The following SETDB1 variants were observed in gnomAD, a reference collection of about 807,000 sequenced individuals.
SETDB1 encodes the protein histone-lysine N-methyltransferase SETDB1.
Under a neutral mutation model 137.4 loss-of-function variants are expected in SETDB1, and 31 were observed. That is an observed-to-expected ratio of 0.23 (90% confidence interval 0.17 to 0.30). The LOEUF is 0.30. SETDB1 is among the 10% of genes least tolerant of loss of function. SETDB1 has a pLI of 1.00. For synonymous variants in SETDB1, 548 were observed against 579.9 expected (o/e 0.95, Z 0.79); for missense variants, 1,113 against 1,631.5 (o/e 0.68, Z 5.47).
In SETDB1 at chr1:150,941,320, T is replaced by G. The variant is rs587759271; in HGVS notation, c.448-9T>G. 1 of 1,589,806 alleles carries G rather than the reference T, an allele frequency of 6.3e-7. No individual in the cohort carries two copies. The highest frequency in any genetic ancestry group is 1.1e-5 in the South Asian group (1 of 90,170). On this transcript the variant is annotated splice_polypyrimidine_tract_variant and intron_variant, in intron 4 of 21. Coordinates refer to ENST00000692827, the MANE Select transcript of SETDB1 (RefSeq NM_001366418.1). ...TCAAAACTTGTTTTCCTCATCCCCT[T>G]TTCTACAGCTCCGTGAAGCTATGGC... is the stretch of plus-strand genomic sequence containing the variant.
At chr1:150,946,460 T>TG (rs1670332005) in intron 9 of SETDB1, among the ~76,000 whole-genome samples, 5 of 151,754 alleles carry the variant, frequency 3.3e-5, no homozygotes, top group Admixed American at 6.6e-5. Context: ...GAATTTTTTT[T>TG]TGGGGGGGAT....
chr1:150,930,252 A>G (rs1669681664), intron 3 of SETDB1, 134 bp downstream of exon 3: 2 of 742,312 alleles, frequency 2.7e-6, no homozygotes, highest in Admixed American at 3.0e-5. Context: ...TGAGTTGGCT[A>G]TTAAAGAAAA....
chr1:150,957,813 C>G (rs1670690686), intron 14 of SETDB1, among the ~76,000 whole-genome samples: 1 of 152,176 alleles, frequency 6.6e-6, no homozygotes, highest in Non-Finnish European at 1.5e-5. Context: ...AAGTGATCTT[C>G]TCACCTCAGC....
intron 14 of SETDB1, among the ~76,000 whole-genome samples, chr1:150,957,483 C>T (rs770685888): frequency 1.3e-5 from 2 of 152,128 alleles, no homozygotes; most frequent in South Asian, 2.1e-4. Flanking sequence ...TGACTAAAAT[C>T]GTGAACTAAC....
In SETDB1 at chr1:150,949,109, C is replaced by CT. The variant is rs2102713096; in HGVS notation, c.1268-8dup. 6.2e-7 allele frequency: 1 copy of CT among 1,607,926 alleles called. No individual in the cohort carries two copies. Among genetic ancestry groups the CT allele is most frequent in the East Asian group, 2.2e-5 (1 of 44,742 alleles). Reference sequence around the variant, plus strand: ...TATCATCTTCTCAGTGCTCAATTTCCTTTTTCCTATAGGTGCTGTGAGGAG... The same window carrying CT: ...TATCATCTTCTCAGTGCTCAATTTCCTTTTTTCCTATAGGTGCTGTGAGGAG... On this transcript the variant is annotated splice_polypyrimidine_tract_variant and intron_variant, in intron 10 of 21. Transcript: ENST00000692827.
chr1:150,962,790 A>C, intron 18 of SETDB1, 71 bp downstream of exon 18: 7 of 1,533,220 alleles, frequency 4.6e-6, no homozygotes, highest in Non-Finnish European at 6.3e-6. Flanking sequence ...CAAGTCCTTC[A>C]CTATAATTAC....
chr1:150,942,691 A>G lies in SETDB1; in HGVS notation c.673+3A>G. On this transcript the variant is annotated splice_donor_region_variant and intron_variant, in intron 6 of 21. Coordinates refer to ENST00000692827, the MANE Select transcript of SETDB1 (RefSeq NM_001366418.1). ...CCTTATTGCCATCCAGACAGTTGGT[A>G]TGTGCAAACTTGGAGGAACCACTCC... 6.2e-7 allele frequency: 1 copy of G among 1,611,336 alleles called. No homozygotes were observed. Among genetic ancestry groups the G allele is most frequent in the South Asian group, 1.1e-5 (1 of 90,594 alleles).
chr1:150,963,515 C>T lies in SETDB1; in HGVS notation c.3461-15C>T, dbSNP rs887494418. On this transcript the variant is annotated splice_polypyrimidine_tract_variant and intron_variant, in intron 19 of 21. Transcript: ENST00000692827. ...AGTTGGGATGGGTCCTGACCCCATTCTCCCTCCTGTCCAGGTCCAATGAAG... is the reference window on the plus strand; with the variant it reads ...AGTTGGGATGGGTCCTGACCCCATTTTCCCTCCTGTCCAGGTCCAATGAAG... 1.9e-6 allele frequency: 3 copies of T among 1,597,944 alleles called. No homozygotes were observed. The African/African-American group carries it at 4.0e-5, about 21-fold the overall frequency.
At chr1:150,936,507 A>T (rs1669948941) in intron 3 of SETDB1, among the ~76,000 whole-genome samples, 2 of 152,184 alleles carry the variant, frequency 1.3e-5, no homozygotes. Context: ...CATTGTATGA[A>T]TATGCCACAG....
chr1:150,926,486 GA>G lies in SETDB1; in HGVS notation c.-38del. 1 of 325,876 alleles carries G rather than the reference GA, an allele frequency of 3.1e-6. No individual in the cohort carries two copies. The highest frequency in any genetic ancestry group is 5.9e-6 in the Non-Finnish European group (1 of 170,006). 20.2% of individuals were successfully genotyped at this position (325,876 alleles called of 1,614,324 possible). ...GTTGTGAGTCTGGGGTCTGGTTGGT[GA>G]AAAAGAGCCCTTGAAGCTGGAAGAC... On this transcript the variant is annotated 5_prime_UTR_variant, in exon 1 of 22. Coordinates refer to ENST00000692827, the MANE Select transcript of SETDB1 (RefSeq NM_001366418.1).
chr1:150,961,750 T>C (rs1266362813), intron 16 of SETDB1: 2 of 215,558 alleles, frequency 9.3e-6, no homozygotes, highest in African/African-American at 4.6e-5. Flanking sequence ...AAGTGATTTT[T>C]TAATGTTAAA....
rs1405401399 is a variant in SETDB1, at chr1:150,933,767, CTTTTTCTTTTTCTTTTTTT to C, written c.412+3655_412+3673del. Reference sequence around the variant, plus strand: ...GATTTTTCTTTTTCTTTTTCTTTTTCTTTTTCTTTTTCTTTTTTTTTTTTTTTTTTTTGAGATGGAGTTT... The same window carrying C: ...GATTTTTCTTTTTCTTTTTCTTTTTCTTTTTTTTTTTTTGAGATGGAGTTT... On this transcript the variant is annotated intron_variant, in intron 3 of 21. Transcript: ENST00000692827. Among the ~76,000 whole-genome samples the C allele has an allele frequency of 6.0e-5, 7 of 116,820 alleles. 1 individual carries two copies. Among genetic ancestry groups the C allele is most frequent in the Admixed American group, 1.8e-4 (2 of 11,410 alleles). The allele number at this position is 116,820 out of a possible 152,430, so 76.6% of individuals were successfully genotyped here.
intron 2 of SETDB1, 56 bp from the exon 3 acceptor site, chr1:150,929,911 A>G (rs1474640621): frequency 9.0e-6 from 13 of 1,451,872 alleles, no homozygotes; most frequent in Admixed American, 3.8e-5. Flanking sequence ...AATGGATTCT[A>G]TATCTCTTAA....
chr1:150,928,045 A>T, intron 2 of SETDB1, 71 bp downstream of exon 2: 1 of 1,498,838 alleles, frequency 6.7e-7, no homozygotes, highest in South Asian at 1.2e-5. Flanking sequence ...ATTGTTCATG[A>T]CATTGAACCA....
Position 150,930,028 on chromosome 1 carries a change from C to T in SETDB1, c.322C>T (p.Arg108Trp), listed in dbSNP as rs751646362. The T allele has an allele frequency of 3.7e-6, 6 of 1,613,642 alleles. No homozygotes were observed. The highest frequency in any genetic ancestry group is 1.3e-5 in the African/African-American group (1 of 74,884). The change falls in exon 3 of 22, where the codon CGG (arginine) becomes TGG (tryptophan). Residue 108 changes from arginine to tryptophan, a missense_variant. Arg to Trp is a moderately radical substitution (Grantham distance 101). Coordinates refer to ENST00000692827, the MANE Select transcript of SETDB1 (RefSeq NM_001366418.1). ...DFYSKLGLQY[R>W]DSSSEDESSR... ...CTACTCCAAGCTGGGACTACAATAC[C>T]GGGACAGTAGCTCTGAGGACGAATC...
rs1046524542 is a variant in SETDB1, at chr1:150,962,022, G to A, written c.3133-108G>A. On this transcript the variant is annotated intron_variant, in intron 16 of 21. Coordinates refer to ENST00000692827, the MANE Select transcript of SETDB1 (RefSeq NM_001366418.1). ...GTTTACCCACCCCACTTTAGAATGT[G>A]TACCTGTCACTGGCTGATGTTATCT... 7 of 1,310,662 alleles carry A rather than the reference G, an allele frequency of 5.3e-6. No homozygotes were observed. The African/African-American group carries it at 7.2e-5, about 14-fold the overall frequency. The allele number at this position is 1,310,662 out of a possible 1,614,324, so 81.2% of individuals were successfully genotyped here.
At chr1:150,947,110 T>C in intron 10 of SETDB1, 98 bp downstream of exon 10, 5 of 1,408,738 alleles carry the variant, frequency 3.5e-6, no homozygotes, top group Middle Eastern at 1.9e-4. Context: ...GGTTACACTG[T>C]ATACTCATTG....
chr1:150,945,229 TCTCA>T, intron 9 of SETDB1, 121 bp downstream of exon 9: 4 of 1,500,580 alleles, frequency 2.7e-6, no homozygotes, highest in Non-Finnish European at 3.6e-6. Flanking sequence ...TCGTATGTGT[TCTCA>T]CTGTTTTTGG....
intron 3 of SETDB1, among the ~76,000 whole-genome samples, chr1:150,938,367 A>ATCACAATTTT (rs1670011329): frequency 6.6e-6 from 1 of 152,146 alleles, no homozygotes; most frequent in African/African-American, 2.4e-5. Context: ...TGATTGCCAG[A>ATCACAATTTT]GTTTGGGGGA....
Sources: allele counts gnomAD v4.1 joint callset (sites outside exome capture counted in the v4.1 genomes callset), GRCh38; gene constraint gnomAD v4.1.1; transcripts MANE v1.5; gene names NCBI Gene and HGNC (gene_info 2026-07-23, HGNC 2026-07-21).